SACM1L: variants seen among roughly 807,000 people sequenced by gnomAD.
SACM1L encodes phosphatidylinositol-3-phosphatase SAC1.
In SACM1L, 32 loss-of-function variants were observed where a neutral mutation model predicts 89.5. That is an observed-to-expected ratio of 0.36 (90% CI 0.27 to 0.48). SACM1L has a LOEUF of 0.48. Among genes scored for constraint, SACM1L ranks in the 20% least tolerant of loss-of-function variants. SACM1L has a pLI of 0.99. For synonymous variants in SACM1L, 213 were observed against 232.8 expected (o/e 0.92, Z 0.77); for missense variants, 543 against 708.5 (o/e 0.77, Z 2.65).
intron 3 of SACM1L, 144 bp from the exon 4 acceptor site, chr3:45,706,636 G>T: frequency 2.0e-6 from 1 of 503,580 alleles, no homozygotes; most frequent in African/African-American, 2.0e-5. Flanking sequence ...AAATTGTAAG[G>T]TTGCTTTAAA....
chr3:45,690,982 T>C (rs1430504403), intron 1 of SACM1L, among the ~76,000 whole-genome samples: 1 of 152,188 alleles, frequency 6.6e-6, no homozygotes, highest in Non-Finnish European at 1.5e-5. Flanking sequence ...AAAGATTGAA[T>C]AGGATGGAGA....
chr3:45,726,651 T>A (rs1267011041), intron 11 of SACM1L, among the ~76,000 whole-genome samples: 1 of 152,114 alleles, frequency 6.6e-6, no homozygotes, highest in Non-Finnish European at 1.5e-5. Flanking sequence ...CTTTTCAAAG[T>A]TCAACTTTTA....
chr3:45,725,510 T>C (rs1395278473), intron 11 of SACM1L, among the ~76,000 whole-genome samples: 1 of 152,134 alleles, frequency 6.6e-6, no homozygotes, highest in Admixed American at 6.5e-5. Context: ...GATATTTCAT[T>C]GTTAGTATAT....
Position 45,731,167 on chromosome 3 carries a change from G to T in SACM1L, c.922-134G>T, listed in dbSNP as rs1356930033. On this transcript the variant is annotated intron_variant, in intron 11 of 19. Transcript: ENST00000389061. ...TCAGAGCTCCTACAAAGTTGGCTCA[G>T]ACAGCTTCTGGGTTTTTTTGATGTT... 3 of 510,874 alleles carry T rather than the reference G, an allele frequency of 5.9e-6. No homozygotes were observed. In the Admixed American group the frequency reaches 1.2e-4, roughly 20 times the overall value. The allele number at this position is 510,874 out of a possible 1,614,324, so 31.6% of individuals were successfully genotyped here.
At chr3:45,709,868 A>G (rs987712120) in intron 5 of SACM1L, among the ~76,000 whole-genome samples, 3 of 152,220 alleles carry the variant, frequency 2.0e-5, no homozygotes, top group African/African-American at 4.8e-5. Context: ...TCACTGGTGT[A>G]GATATTCAGA....
intron 11 of SACM1L, chr3:45,730,685 A>C (rs1699031876): frequency 6.6e-6 from 1 of 152,262 alleles, no homozygotes; most frequent in African/African-American, 2.4e-5. Flanking sequence ...GTGGCCTTCA[A>C]AACTCCTTCA....
chr3:45,724,018 A>G (rs1698851655), intron 11 of SACM1L, among the ~76,000 whole-genome samples: 1 of 151,842 alleles, frequency 6.6e-6, no homozygotes. Context: ...TTATCCATTA[A>G]TCTATTGATG....
intron 4 of SACM1L, among the ~76,000 whole-genome samples, chr3:45,708,465 A>G (rs1207673698): frequency 6.6e-6 from 1 of 152,146 alleles, no homozygotes; most frequent in Admixed American, 6.5e-5. Context: ...AAGAAAATAT[A>G]TTATTCTAAA....
chr3:45,703,318 A>G lies in SACM1L; in HGVS notation c.33-120A>G, dbSNP rs77777691. 7.8e-4 allele frequency: 508 copies of G among 647,636 alleles called. No individual in the cohort carries two copies. In the African/African-American group the frequency reaches 8.3e-3, roughly 11 times the overall value. The allele number at this position is 647,636 out of a possible 1,614,324, so 40.1% of individuals were successfully genotyped here. A position where few individuals can be genotyped will look rare whatever the true frequency, so the allele number is the denominator to read the frequency against. ...TAAGGACAGCAAACTTAACAGATTC[A>G]TCCTTTTAGAAGCTGGGAAAATGAT... On this transcript the variant is annotated intron_variant, in intron 1 of 19. Transcript: ENST00000389061.
At chr3:45,714,146 T>G in intron 7 of SACM1L, 67 bp downstream of exon 7, 1 of 960,640 alleles carries the variant, frequency 1.0e-6, no homozygotes, top group Non-Finnish European at 1.5e-6. Flanking sequence ...ATAAGGCAGA[T>G]TTAGAGATAG....
At chr3:45,689,595 G>C in intron 1 of SACM1L, 98 bp downstream of exon 1, 1 of 1,362,006 alleles carries the variant, frequency 7.3e-7, no homozygotes, top group South Asian at 1.2e-5. Flanking sequence ...ATTGCAGATA[G>C]GGTGTGGGAG....
chr3:45,717,231 G>C (rs1313539211), intron 7 of SACM1L, among the ~76,000 whole-genome samples: 1 of 152,182 alleles, frequency 6.6e-6, no homozygotes, highest in African/African-American at 2.4e-5. Context: ...GTGTTCTCTT[G>C]TGAATTTGCC....
chr3:45,720,469 T>G (rs984907121), intron 8 of SACM1L, among the ~76,000 whole-genome samples: 1 of 152,182 alleles, frequency 6.6e-6, no homozygotes, highest in African/African-American at 2.4e-5. Flanking sequence ...GATGTTAGTT[T>G]CTTGTTTATC....
chr3:45,709,979 T>G (rs1360874956), intron 5 of SACM1L, among the ~76,000 whole-genome samples: 1 of 152,206 alleles, frequency 6.6e-6, no homozygotes, highest in African/African-American at 2.4e-5. Flanking sequence ...AACTCTCAGA[T>G]GTCAAATCTT....
chr3:45,696,230 C>T (rs1237406177), intron 1 of SACM1L, among the ~76,000 whole-genome samples: 1 of 152,130 alleles, frequency 6.6e-6, no homozygotes, highest in Non-Finnish European at 1.5e-5. Flanking sequence ...ATCTCCTGAC[C>T]TCGTGATCCG....
intron 19 of SACM1L, chr3:45,739,857 A>G: frequency 1.7e-6 from 1 of 596,894 alleles, no homozygotes; most frequent in Admixed American, 3.0e-5. Flanking sequence ...CTCAGATTTT[A>G]AAAACATGTT....
intron 1 of SACM1L, among the ~76,000 whole-genome samples, chr3:45,699,893 A>G (rs1487984984): frequency 6.6e-6 from 1 of 152,192 alleles, no homozygotes; most frequent in African/African-American, 2.4e-5. Flanking sequence ...TTGTGCTCTT[A>G]TAAACAGCTG....
chr3:45,707,103 T>C (rs1283468353), intron 4 of SACM1L, 196 bp downstream of exon 4: 3 of 476,836 alleles, frequency 6.3e-6, no homozygotes, highest in Admixed American at 4.1e-5. Flanking sequence ...TGTTTTTTTT[T>C]TTTTAAAGAT....
intron 11 of SACM1L, among the ~76,000 whole-genome samples, chr3:45,724,216 C>T (rs2742452): frequency 0.48 from 73,233 of 151,654 alleles, 18,299 homozygotes; most frequent in Middle Eastern, 0.57. Context: ...TTTGCCATAG[C>T]GGCTGCACCA....
Sources: gnomAD v4.1 joint callset for allele counts (sites outside exome capture counted in the v4.1 genomes callset) on GRCh38, gnomAD v4.1.1 for gene constraint, MANE v1.5 for transcripts, NCBI Gene and HGNC (gene_info 2026-07-23, HGNC 2026-07-21) for gene names.